The following CCNL1 variants were observed in gnomAD, a reference collection of about 807,000 sequenced individuals.
The protein encoded by CCNL1 is cyclin L1, also known as cyclin-L1.
In CCNL1, 13 loss-of-function variants were observed where a neutral mutation model predicts 60.6. The ratio of observed to expected loss-of-function variants is 0.21; its 90% confidence interval spans 0.14 to 0.34. CCNL1 has a LOEUF of 0.34. Among genes scored for constraint, CCNL1 ranks in the 10% least tolerant of loss-of-function variants. The probability of loss-of-function intolerance (pLI) is 1.00; values close to 1 mark genes in which losing one functional copy is unlikely to be tolerated. For synonymous variants in CCNL1, 270 were observed against 244.3 expected, an observed-to-expected ratio of 1.10 and a Z score of -0.98; for missense variants, 481 against 664.3, an observed-to-expected ratio of 0.72 and a Z score of 3.03.
rs775049460 is a variant in CCNL1 at position 157,150,307 on chromosome 3, A to G, written c.749T>C (p.Ile250Thr). 4.4e-5 allele frequency: 71 copies of G among 1,613,882 alleles called. No homozygotes were observed. Among genetic ancestry groups the G allele is most frequent in the Non-Finnish European group, 5.7e-5 (67 of 1,179,912 alleles). Residue 250 changes from isoleucine to threonine, a missense_variant, in exon 6 of 11, where the codon ATC becomes ACC. Coordinates refer to ENST00000295926, the MANE Select transcript of CCNL1 (RefSeq NM_020307.4). ...FQPETIACAC[I>T]YLAARALQIP... Reference sequence around the variant, plus strand: ...CTGAAGTGCTCTAGCTGCAAGGTAGATGCAAGCACATGCTATAGTCTCTGG... The same window carrying G: ...CTGAAGTGCTCTAGCTGCAAGGTAGGTGCAAGCACATGCTATAGTCTCTGG...
chr3:157,156,553 A>G (rs780184386), intron 3 of CCNL1, among the ~76,000 whole-genome samples: 13 of 152,200 alleles, frequency 8.5e-5, no homozygotes, highest in Admixed American at 3.9e-4. Context: ...GAACCACAAA[A>G]AACTGAAGGA....
rs149243435 is a variant in CCNL1 at position 157,149,345 on chromosome 3, C to G, written c.1174G>C (p.Ala392Pro). 513 of 1,613,944 alleles carry G rather than the reference C, an allele frequency of 3.2e-4. 1 individual carries two copies. Among genetic ancestry groups the G allele is most frequent in the South Asian group, 1.2e-3 (106 of 91,088 alleles). Residue 392 changes from alanine to proline, a missense_variant, in exon 10 of 11, where the codon GCA becomes CCA. Ala to Pro is a conservative substitution (Grantham distance 27, BLOSUM62 -1). This residue lies in a region of CCNL1 where 197 missense variants were observed against 233.9 expected (regional missense o/e 0.84). Coordinates refer to ENST00000295926, the MANE Select transcript of CCNL1 (RefSeq NM_020307.4). ...CGTGTTCTTGACCTCGATCGACTTG[C>G]ACTTCTGCTATTTCTACTTCTCTTG... is the stretch of plus-strand genomic sequence containing the variant. ...DSKRSRNSRSASRSRSRTRSR... is the reference protein window; with the variant it reads ...DSKRSRNSRSPSRSRSRTRSR...
At chr3:157,155,283 A>C (rs559296750) in intron 3 of CCNL1, among the ~76,000 whole-genome samples, 1 of 152,322 alleles carries the variant, frequency 6.6e-6, no homozygotes, top group African/African-American at 2.4e-5. Flanking sequence ...TCTTAAGATA[A>C]CCTGCTTTAA....
chr3:157,148,147 A>C lies in CCNL1; in HGVS notation c.*94T>G, dbSNP rs1560193791. ...AGAGGGTTTCAAGAAATCAAATCCT[A>C]ATCAGTTTGCGTTTAATGTTTTTGA... On this transcript the variant is annotated 3_prime_UTR_variant, in exon 11 of 11. Coordinates refer to ENST00000295926, the MANE Select transcript of CCNL1 (RefSeq NM_020307.4). 1.3e-6 allele frequency: 2 copies of C among 1,488,584 alleles called. No individual in the cohort carries two copies. The highest frequency in any genetic ancestry group is 1.4e-5 in the African/African-American group (1 of 71,104). The allele number at this position is 1,488,584 out of a possible 1,614,324, so 92.2% of individuals were successfully genotyped here.
chr3:157,149,498 T>G lies in CCNL1; in HGVS notation c.1120A>C (p.Ser374Arg). 1.9e-6 allele frequency: 3 copies of G among 1,613,890 alleles called. No homozygotes were observed. The highest frequency in any genetic ancestry group is 2.5e-6 in the Non-Finnish European group (3 of 1,179,818). The change falls in exon 9 of 11, where the codon AGC becomes CGC. Residue 374 changes from serine to arginine, a missense_variant. Ser to Arg is a moderately radical substitution (Grantham distance 110). Around this residue, in one of 5 missense-constraint regions of CCNL1, gnomAD observed 197 missense variants for 233.9 expected, o/e 0.84. Coordinates refer to ENST00000295926, the MANE Select transcript of CCNL1 (RefSeq NM_020307.4). ...AAGTATACTCACCCATTGTAAGGGCTTTTGGAAGCCTGTTGTCTATCCTCA... is the reference window on the plus strand; with the variant it reads ...AAGTATACTCACCCATTGTAAGGGCGTTTGGAAGCCTGTTGTCTATCCTCA... ...EPEDRQQASK[S>R]PYNGVRKDSK...
intron 3 of CCNL1, chr3:157,153,412 C>G: frequency 2.9e-6 from 1 of 344,128 alleles, no homozygotes. Flanking sequence ...TGAATTCATC[C>G]CTGCCAACTT....
In CCNL1 at chr3:157,148,482, TGAG is replaced by T; in HGVS notation, c.1337_1339del (p.Pro446del). Reference sequence around the variant, plus strand: ...ATCTCTGGTATGCTTGGCCTTAAGGTGAGGAGAACCATGATTATGATGTCTTCG... The same window carrying T: ...ATCTCTGGTATGCTTGGCCTTAAGGTGAGAACCATGATTATGATGTCTTCG... On this transcript the variant is annotated inframe_deletion, in exon 11 of 11. Coordinates refer to ENST00000295926, the MANE Select transcript of CCNL1 (RefSeq NM_020307.4). 1.2e-6 allele frequency: 2 copies of T among 1,614,156 alleles called. No individual in the cohort carries two copies. The highest frequency in any genetic ancestry group is 1.1e-5 in the South Asian group (1 of 91,088).
intron 5 of CCNL1, chr3:157,150,768 C>T: frequency 2.0e-6 from 2 of 996,984 alleles, no homozygotes; most frequent in Non-Finnish European, 2.4e-6. Context: ...ACCATCTCTC[C>T]TTTATCCACA....
Position 157,150,384 on chromosome 3 carries a change from G to A in CCNL1, c.675-3C>T, listed in dbSNP as rs1738091798. Reference sequence around the variant, plus strand: ...GAAGACTGTCATTCATGTAATTCCTGAAAAATATTTCAACTATAAGCTTGC... The same window carrying A: ...GAAGACTGTCATTCATGTAATTCCTAAAAAATATTTCAACTATAAGCTTGC... On this transcript the variant is annotated splice_region_variant and splice_polypyrimidine_tract_variant and intron_variant, in intron 5 of 10. Coordinates refer to ENST00000295926, the MANE Select transcript of CCNL1 (RefSeq NM_020307.4). The A allele has an allele frequency of 6.2e-7, 1 of 1,612,674 alleles. No homozygotes were observed. The highest frequency in any genetic ancestry group is 8.5e-7 in the Non-Finnish European group (1 of 1,179,116).
chr3:157,151,732 T>C (rs1463570931), intron 5 of CCNL1: 1 of 1,010,738 alleles, frequency 9.9e-7, no homozygotes, highest in East Asian at 1.0e-4. Context: ...TAGTTACTTC[T>C]AGAAGCAAAT....
At chr3:157,158,463 CACAGA>C (rs1338772933) in intron 3 of CCNL1, among the ~76,000 whole-genome samples, 1 of 152,232 alleles carries the variant, frequency 6.6e-6, no homozygotes, top group Non-Finnish European at 1.5e-5. Flanking sequence ...ACATAATCTA[CACAGA>C]ACTTTGCCAC....
chr3:157,157,175 C>G (rs1191687265), intron 3 of CCNL1: 6 of 1,098,202 alleles, frequency 5.5e-6, no homozygotes, highest in Non-Finnish European at 7.3e-6. Flanking sequence ...CATAGAAACA[C>G]TTTTACATCC....
intron 3 of CCNL1, among the ~76,000 whole-genome samples, chr3:157,155,013 T>C (rs1738511137): frequency 6.6e-6 from 1 of 152,166 alleles, no homozygotes; most frequent in Non-Finnish European, 1.5e-5. Context: ...GATCAGGTTT[T>C]ATCATCACAG....
intron 5 of CCNL1, chr3:157,151,506 T>G: frequency 1.0e-6 from 1 of 985,922 alleles, no homozygotes; most frequent in Non-Finnish European, 1.2e-6. Context: ...GCCAAGCAGT[T>G]ATATAAATTA....
At chr3:157,151,663 A>G in intron 5 of CCNL1, 1 of 991,080 alleles carries the variant, frequency 1.0e-6, no homozygotes, top group Non-Finnish European at 1.2e-6. Flanking sequence ...AAATCTATCA[A>G]AAATGAACTA....
In CCNL1 at chr3:157,160,106, G is replaced by T; in HGVS notation, c.-12C>A. Reference sequence around the variant, plus strand: ...GGCCCGGACGCCATAGTCTTAGCGAGCCGCACGCAAGCCCAACGCAGCCGG... The same window carrying T: ...GGCCCGGACGCCATAGTCTTAGCGATCCGCACGCAAGCCCAACGCAGCCGG... On this transcript the variant is annotated 5_prime_UTR_variant, in exon 1 of 11. Transcript: ENST00000295926. 6.5e-7 allele frequency: 1 copy of T among 1,536,100 alleles called. No homozygotes were observed.
chr3:157,149,683 G>A (rs1196413551), intron 8 of CCNL1, 87 bp from the exon 9 acceptor site: 4 of 1,457,830 alleles, frequency 2.7e-6, no homozygotes, highest in Non-Finnish European at 3.8e-6. Context: ...AAAGTACCAT[G>A]CTTCCGCTTC....
chr3:157,145,422 A>G (rs1009199451), downstream of CCNL1, among the ~76,000 whole-genome samples: 3 of 125,642 alleles, frequency 2.4e-5, no homozygotes, highest in Admixed American at 1.9e-4. Context: ...TGGGAGACAG[A>G]GCGAGACTTC....
intron 3 of CCNL1, among the ~76,000 whole-genome samples, chr3:157,158,082 C>G (rs1391153907): frequency 6.6e-6 from 1 of 152,202 alleles, no homozygotes; most frequent in Admixed American, 6.5e-5. Context: ...CCTGTAGATG[C>G]AGGAAGTCCT....
Sources: gnomAD v4.1 joint callset for allele counts (sites outside exome capture counted in the v4.1 genomes callset) on GRCh38, gnomAD v4.1.1 for gene constraint, gnomAD v4.1.1 regional missense constraint, MANE v1.5 for transcripts, NCBI Gene and HGNC (gene_info 2026-07-23, HGNC 2026-07-21) for gene names.